GRM1: variants seen among roughly 807,000 people sequenced by gnomAD.
GRM1 encodes glutamate metabotropic receptor 1, also known as metabotropic glutamate receptor 1.
In GRM1, 33 loss-of-function variants were observed where a neutral mutation model predicts 90.9. The ratio of observed to expected loss-of-function variants is 0.36; its 90% CI spans 0.28 to 0.49. The LOEUF (loss-of-function observed/expected upper bound fraction) is 0.49, where lower values mean the gene tolerates loss of function less well. Ranked by LOEUF, GRM1 falls within the 20% of genes least tolerant of loss-of-function variation. The pLI, the probability that GRM1 is intolerant of heterozygous loss-of-function variation, is 0.99. For missense variants in GRM1, 1,190 were observed against 1,534.3 expected (o/e 0.78, Z 3.75); for synonymous variants, 700 against 613.2 (o/e 1.14, Z -2.09).
rs182626662 is a variant in GRM1, at chr6:146,193,853, T to C, written c.950+34256T>C. On this transcript the variant is annotated intron_variant, in intron 2 of 7. Coordinates refer to ENST00000282753, the MANE Select transcript of GRM1 (RefSeq NM_001278064.2). Reference sequence around the variant, plus strand: ...CCTAGTGAACTTTCCTGTCCCCTTTTAGTCTTGTGCTAGTATTTCTCTGGG... The same window carrying C: ...CCTAGTGAACTTTCCTGTCCCCTTTCAGTCTTGTGCTAGTATTTCTCTGGG... Among the ~76,000 whole-genome samples the C allele has an allele frequency of 3.3e-5, 5 of 152,244 alleles. No individual in the cohort carries two copies. In the East Asian group the frequency reaches 5.8e-4, roughly 18 times the overall value.
chr6:146,276,447 T>C (rs191868458), intron 2 of GRM1, among the ~76,000 whole-genome samples: 1 of 152,332 alleles, frequency 6.6e-6, no homozygotes, highest in East Asian at 1.9e-4. Flanking sequence ...AAATAATTTA[T>C]ATTAGGAATT....
intron 2 of GRM1, among the ~76,000 whole-genome samples, chr6:146,212,019 T>A (rs1012844317): frequency 6.6e-6 from 1 of 152,164 alleles, no homozygotes; most frequent in Non-Finnish European, 1.5e-5. Context: ...CTGGAACTCT[T>A]GGGAACTAGC....
intron 5 of GRM1, among the ~76,000 whole-genome samples, chr6:146,378,350 C>T (rs1204455276): frequency 2.6e-5 from 4 of 152,060 alleles, no homozygotes; most frequent in Admixed American, 1.3e-4. Flanking sequence ...AGACACTCAA[C>T]AGCAGCCCGT....
intron 6 of GRM1, among the ~76,000 whole-genome samples, chr6:146,397,127 T>C (rs536278843): frequency 3.9e-5 from 6 of 152,290 alleles, no homozygotes; most frequent in African/African-American, 1.2e-4. Context: ...CAAAATTATC[T>C]TGGTGAAGCC....
chr6:146,128,250 A>G (rs1333545539), intron 1 of GRM1, among the ~76,000 whole-genome samples: 1 of 152,210 alleles, frequency 6.6e-6, no homozygotes, highest in Non-Finnish European at 1.5e-5. Context: ...CGTTGTAGGA[A>G]GAACATGTGG....
At chr6:146,084,044 A>G (rs1338565494) in intron 1 of GRM1, among the ~76,000 whole-genome samples, 5 of 152,140 alleles carry the variant, frequency 3.3e-5, no homozygotes, top group Non-Finnish European at 7.3e-5. Flanking sequence ...GTATTATCTA[A>G]TGGTAATTTG....
At chr6:146,218,960 C>A (rs1050614914) in intron 2 of GRM1, among the ~76,000 whole-genome samples, 1 of 152,128 alleles carries the variant, frequency 6.6e-6, no homozygotes. Flanking sequence ...AGTCACCTAC[C>A]CACGGTTTGC....
chr6:146,039,677 G>A (rs1791024538), intron 1 of GRM1, among the ~76,000 whole-genome samples: 1 of 151,974 alleles, frequency 6.6e-6, no homozygotes. Context: ...GGAAAGGCCA[G>A]TTCAATTAAT....
At chr6:146,111,684 G>A (rs1775567097) in intron 1 of GRM1, among the ~76,000 whole-genome samples, 1 of 152,160 alleles carries the variant, frequency 6.6e-6, no homozygotes, top group African/African-American at 2.4e-5. Flanking sequence ...GAGGAATAGA[G>A]AGAAGGCCAG....
intron 2 of GRM1, among the ~76,000 whole-genome samples, chr6:146,208,523 A>G (rs1229686204): frequency 6.6e-6 from 1 of 152,120 alleles, no homozygotes; most frequent in African/African-American, 2.4e-5. Flanking sequence ...GGCTATTAAA[A>G]ATATCATCTA....
intron 3 of GRM1, among the ~76,000 whole-genome samples, chr6:146,340,009 TTTACA>T (rs775937251): frequency 3.8e-4 from 58 of 152,312 alleles, no homozygotes; most frequent in Admixed American, 5.9e-4. Flanking sequence ...GCTGTTTCAG[TTTACA>T]TTAGCAGTTG....
At chr6:146,253,835 T>C (rs1201262295) in intron 2 of GRM1, among the ~76,000 whole-genome samples, 1 of 152,220 alleles carries the variant, frequency 6.6e-6, no homozygotes, top group East Asian at 1.9e-4. Context: ...CAGCTCAGTG[T>C]GCATTGTTCA....
chr6:146,159,705 G>T (rs192789092), intron 2 of GRM1, 108 bp downstream of exon 2: 2 of 1,085,200 alleles, frequency 1.8e-6, no homozygotes, highest in East Asian at 5.1e-5. Context: ...AACTAGACTT[G>T]CTAACTCCAA....
chr6:146,254,008 T>G (rs1051894691), intron 2 of GRM1, among the ~76,000 whole-genome samples: 1 of 152,144 alleles, frequency 6.6e-6, no homozygotes, highest in African/African-American at 2.4e-5. Flanking sequence ...AGGATAGTTA[T>G]GAGGTTTAAA....
At chr6:146,351,449 A>T (rs1187743507) in intron 3 of GRM1, among the ~76,000 whole-genome samples, 1 of 152,190 alleles carries the variant, frequency 6.6e-6, no homozygotes, top group Non-Finnish European at 1.5e-5. Flanking sequence ...AAAATTTCTC[A>T]TCCATATCTA....
At chr6:146,433,837 A>G in intron 7 of GRM1, 35 bp from the exon 8 acceptor site, 4 of 1,397,922 alleles carry the variant, frequency 2.9e-6, no homozygotes, top group Non-Finnish European at 4.1e-6. Context: ...TGCATGATCT[A>G]TCTGCAAATA....
intron 3 of GRM1, among the ~76,000 whole-genome samples, chr6:146,318,081 A>G (rs994577572): frequency 1.2e-4 from 19 of 152,216 alleles, no homozygotes; most frequent in African/African-American, 4.3e-4. Context: ...TACATGTGCC[A>G]TGGTGGTTTG....
intron 2 of GRM1, among the ~76,000 whole-genome samples, chr6:146,202,031 G>A (rs1050446180): frequency 1.3e-5 from 2 of 152,306 alleles, no homozygotes; most frequent in African/African-American, 2.4e-5. Flanking sequence ...CTGGTGCAAC[G>A]TAACTTGGAT....
chr6:146,145,573 G>C (rs1777065179), intron 1 of GRM1, among the ~76,000 whole-genome samples: 1 of 152,210 alleles, frequency 6.6e-6, no homozygotes, highest in Non-Finnish European at 1.5e-5. Context: ...CGTCCACATG[G>C]TGCTAATTCT....
Sources: allele counts gnomAD v4.1 joint callset (sites outside exome capture counted in the v4.1 genomes callset), GRCh38; gene constraint gnomAD v4.1.1; transcripts MANE v1.5; gene names NCBI Gene and HGNC (gene_info 2026-07-23, HGNC 2026-07-21).